The following ZNF555 variants were observed in gnomAD, a reference collection of about 807,000 sequenced individuals.
ZNF555 encodes the protein zinc finger protein 555.
A neutral mutation model predicts 14.0 loss-of-function variants in ZNF555; 10 were observed. That is an observed-to-expected ratio of 0.72 (90% CI 0.44 to 1.21). The LOEUF (loss-of-function observed/expected upper bound fraction) is 1.21, where lower values mean the gene tolerates loss of function less well. Among genes scored for constraint, ZNF555 ranks in the 50% most tolerant of loss-of-function variants. ZNF555 has a pLI of 0.00. For missense variants in ZNF555, 747 were observed against 762.0 expected (o/e 0.98, Z 0.23); for synonymous variants, 277 against 262.4 (o/e 1.06, Z -0.54).
Position 2,860,234 on chromosome 19 carries a change from A to G in ZNF555, c.*6282A>G, listed in dbSNP as rs1227620319. The G allele has an allele frequency of 6.6e-6, 1 of 151,762 alleles. No individual in the cohort carries two copies. Among genetic ancestry groups the G allele is most frequent in the African/African-American group, 2.4e-5 (1 of 41,288 alleles). The allele number at this position is 151,762 out of a possible 1,614,324, so 9.4% of individuals were successfully genotyped here. On this transcript the variant is annotated 3_prime_UTR_variant, in exon 4 of 4. Transcript: ENST00000334241. ...AAAGTCTGGGTAATTCTGTGGGGACATATATTGGTGTATCTGGGAGGTCCC... is the reference window on the plus strand; with the variant it reads ...AAAGTCTGGGTAATTCTGTGGGGACGTATATTGGTGTATCTGGGAGGTCCC...
At chr19:2,847,850 A>C (rs1044895276) in intron 1 of ZNF555, among the ~76,000 whole-genome samples, 11 of 152,182 alleles carry the variant, frequency 7.2e-5, no homozygotes, top group Admixed American at 3.9e-4. Flanking sequence ...CAGCATTTAC[A>C]GGGATAGCAT....
chr19:2,847,691 G>A (rs986322342), intron 1 of ZNF555, among the ~76,000 whole-genome samples: 1 of 152,160 alleles, frequency 6.6e-6, no homozygotes, highest in African/African-American at 2.4e-5. Context: ...TCATATTGGA[G>A]TAGGGCCCAT....
In ZNF555 at chr19:2,856,034, G is replaced by C. The variant is rs1307647817; in HGVS notation, c.*2082G>C. On this transcript the variant is annotated 3_prime_UTR_variant, in exon 4 of 4. Transcript: ENST00000334241. Reference sequence around the variant, plus strand: ...GACCCAATTCAACCCATAACACTAAGAAATGTTATTTTTTGTTTACCGAGA... The same window carrying C: ...GACCCAATTCAACCCATAACACTAACAAATGTTATTTTTTGTTTACCGAGA... 1 of 151,932 alleles carries C rather than the reference G, an allele frequency of 6.6e-6. No individual in the cohort carries two copies. The highest frequency in any genetic ancestry group is 1.5e-5 in the Non-Finnish European group (1 of 67,980). The allele number at this position is 151,932 out of a possible 1,614,324, so 9.4% of individuals were successfully genotyped here.
Position 2,858,242 on chromosome 19 carries a change from G to A in ZNF555, c.*4290G>A, listed in dbSNP as rs1372880362. 6.6e-6 allele frequency: 1 copy of A among 152,210 alleles called. No individual in the cohort carries two copies. The highest frequency in any genetic ancestry group is 1.9e-4 in the East Asian group (1 of 5,198). The allele number at this position is 152,210 out of a possible 1,614,324, so 9.4% of individuals were successfully genotyped here. On this transcript the variant is annotated 3_prime_UTR_variant, in exon 4 of 4. Transcript: ENST00000334241. Reference sequence around the variant, plus strand: ...AATTCTCTGGAGGAAATGTAGGGCTGGTTGACAAGGACTTGTGCCTCGTCA... The same window carrying A: ...AATTCTCTGGAGGAAATGTAGGGCTAGTTGACAAGGACTTGTGCCTCGTCA...
At chr19:2,841,708 CCCCGGGGGT>C in intron 1 of ZNF555, 133 bp downstream of exon 1, 1 of 1,096,154 alleles carries the variant, frequency 9.1e-7, no homozygotes, top group Non-Finnish European at 1.2e-6. Context: ...GGAGCCTGGG[CCCCGGGGGT>C]CCCGCCCGGC....
chr19:2,848,164 T>C (rs1197347109), intron 1 of ZNF555, among the ~76,000 whole-genome samples: 1 of 151,798 alleles, frequency 6.6e-6, no homozygotes, highest in African/African-American at 2.4e-5. Flanking sequence ...TTCTTTTTTT[T>C]TTTTTGAGCT....
intron 1 of ZNF555, among the ~76,000 whole-genome samples, chr19:2,842,332 TCA>T (rs745531663): frequency 1.3e-5 from 2 of 152,180 alleles, no homozygotes; most frequent in African/African-American, 2.4e-5. Flanking sequence ...CCCTGGGCTC[TCA>T]CACACAAGGA....
Position 2,852,854 on chromosome 19 carries a change from A to G in ZNF555, c.789A>G (p.Lys263=), listed in dbSNP as rs749478048. ...EKPYKCKECG[K]AFSYSSTFRR... is the part of the protein sequence containing the mutation. ...CATATAAGTGTAAGGAATGTGGGAA[A>G]GCTTTCAGTTATTCCTCAACGTTTC... Residue 263 remains lysine, a synonymous_variant, in exon 4 of 4, where the codon AAA becomes AAG. Coordinates refer to ENST00000334241, the MANE Select transcript of ZNF555 (RefSeq NM_152791.5). 2.5e-6 allele frequency: 4 copies of G among 1,614,090 alleles called. No homozygotes were observed. Among genetic ancestry groups the G allele is most frequent in the Non-Finnish European group, 3.4e-6 (4 of 1,180,046 alleles).
At chr19:2,847,829 C>T (rs946504112) in intron 1 of ZNF555, among the ~76,000 whole-genome samples, 2 of 152,194 alleles carry the variant, frequency 1.3e-5, no homozygotes, top group African/African-American at 2.4e-5. Flanking sequence ...CACAAGAAAC[C>T]GCTGGCAGTT....
At chr19:2,849,786 C>T (rs2087613639) in intron 1 of ZNF555, among the ~76,000 whole-genome samples, 1 of 152,110 alleles carries the variant, frequency 6.6e-6, no homozygotes, top group African/African-American at 2.4e-5. Flanking sequence ...CCACACTTGG[C>T]CCAAGAATAC....
In ZNF555 at chr19:2,853,642, A is replaced by G. The variant is rs951985922; in HGVS notation, c.1577A>G (p.His526Arg). ...AFSWPELLQQ[H>R]VRTHTVEKPY... ...AGTTGGCCTGAACTTTTGCAACAACATGTGAGAACGCACACTGTAGAGAAG... is the reference window on the plus strand; with the variant it reads ...AGTTGGCCTGAACTTTTGCAACAACGTGTGAGAACGCACACTGTAGAGAAG... Residue 526 changes from histidine (H) to arginine (R), a missense_variant, in exon 4 of 4, where the codon CAT becomes CGT. By Grantham distance (29) the His-to-Arg change is conservative. Coordinates refer to ENST00000334241, the MANE Select transcript of ZNF555 (RefSeq NM_152791.5). 3 of 1,600,062 alleles carry G rather than the reference A, an allele frequency of 1.9e-6. No individual in the cohort carries two copies. The highest frequency in any genetic ancestry group is 2.6e-6 in the Non-Finnish European group (3 of 1,173,400).
rs2087641976 is a variant in ZNF555, at chr19:2,852,685, A to G, written c.620A>G (p.Lys207Arg). 1 of 1,614,082 alleles carries G rather than the reference A, an allele frequency of 6.2e-7. No homozygotes were observed. The highest frequency in any genetic ancestry group is 8.5e-7 in the Non-Finnish European group (1 of 1,180,044). ...CCCTATGTGTGTAAATTATGTGGGA[A>G]AACCTTTCCTCGTACTTCCTCCCTC... ...ERPYVCKLCG[K>R]TFPRTSSLNR... Residue 207 changes from lysine (K) to arginine (R), a missense_variant, in exon 4 of 4, where the codon AAA becomes AGA. Coordinates refer to ENST00000334241, the MANE Select transcript of ZNF555 (RefSeq NM_152791.5).
rs1352817427 is a variant in ZNF555, at chr19:2,855,291, G to C, written c.*1339G>C. ...TTCTTAGAAATATCCTGTTTAGCTG[G>C]GCACAGTAGCTCATGCCTGTAATCC... On this transcript the variant is annotated 3_prime_UTR_variant, in exon 4 of 4. Coordinates refer to ENST00000334241, the MANE Select transcript of ZNF555 (RefSeq NM_152791.5). 6.6e-6 allele frequency: 1 copy of C among 152,050 alleles called. No homozygotes were observed. Among genetic ancestry groups the C allele is most frequent in the African/African-American group, 2.4e-5 (1 of 41,380 alleles). 9.4% of individuals were successfully genotyped at this position (152,050 alleles called of 1,614,324 possible).
chr19:2,848,301 A>G (rs529810366), intron 1 of ZNF555, among the ~76,000 whole-genome samples: 139 of 149,916 alleles, frequency 9.3e-4, no homozygotes, highest in African/African-American at 3.2e-3. Context: ...ACAGGCGCCC[A>G]CCACCACGCC....
At position 2,852,465 on chromosome 19, in the gene ZNF555, A is replaced by G. The variant is rs1486097402; in HGVS notation, c.400A>G (p.Lys134Glu). 1 of 1,614,074 alleles carries G rather than the reference A, an allele frequency of 6.2e-7. No individual in the cohort carries two copies. The highest frequency in any genetic ancestry group is 1.7e-5 in the Admixed American group (1 of 60,006). Residue 134 changes from lysine (K) to glutamate (E), a missense_variant, in exon 4 of 4, where the codon AAG becomes GAG. Coordinates refer to ENST00000334241, the MANE Select transcript of ZNF555 (RefSeq NM_152791.5). ...CCAGATTCCACATCTTAATCTGTAC[A>G]AGAAAATTCCACCTGGAGTAAAACA... The part of the protein sequence containing the change: ...LSQIPHLNLY[K>E]KIPPGVKQYE...
rs2144862906 is a variant in ZNF555 at position 2,857,030 on chromosome 19, C to G, written c.*3078C>G. 6.6e-6 allele frequency: 1 copy of G among 152,220 alleles called. No homozygotes were observed. The highest frequency in any genetic ancestry group is 2.1e-4 in the South Asian group (1 of 4,822). The allele number at this position is 152,220 out of a possible 1,614,324, so 9.4% of individuals were successfully genotyped here. A position where few individuals can be genotyped will look rare whatever the true frequency, so the allele number is the denominator to read the frequency against. ...GCTTTTGTTTTAATGAGCCAGAAAGCCCCAAAAGCCTATTTAAGTTTTCTC... is the reference window on the plus strand; with the variant it reads ...GCTTTTGTTTTAATGAGCCAGAAAGGCCCAAAAGCCTATTTAAGTTTTCTC... On this transcript the variant is annotated 3_prime_UTR_variant, in exon 4 of 4. Coordinates refer to ENST00000334241, the MANE Select transcript of ZNF555 (RefSeq NM_152791.5).
chr19:2,853,875 T>C lies in ZNF555; in HGVS notation c.1810T>C (p.Phe604Leu). The C allele has an allele frequency of 6.2e-7, 1 of 1,614,096 alleles. No individual in the cohort carries two copies. Among genetic ancestry groups the C allele is most frequent in the Non-Finnish European group, 8.5e-7 (1 of 1,180,026 alleles). Residue 604 changes from phenylalanine (F) to leucine (L), a missense_variant, in exon 4 of 4, where the codon TTC becomes CTC. Phe to Leu is a conservative substitution (Grantham distance 22, BLOSUM62 0). Coordinates refer to ENST00000334241, the MANE Select transcript of ZNF555 (RefSeq NM_152791.5). ...CNVGHPPANE[F>L]MCSASEKSHQ... is the part of the protein sequence containing the mutation. ...TGTAGGACATCCTCCTGCAAATGAATTCATGTGCAGTGCTTCAGAAAAGTC... is the reference window on the plus strand; with the variant it reads ...TGTAGGACATCCTCCTGCAAATGAACTCATGTGCAGTGCTTCAGAAAAGTC...
At position 2,853,203 on chromosome 19, in the gene ZNF555, C is replaced by T; in HGVS notation, c.1138C>T (p.Pro380Ser). The change falls in exon 4 of 4, where the codon CCC (proline) becomes TCC (serine). Residue 380 changes from proline to serine, a missense_variant. Pro to Ser is a moderately conservative substitution (Grantham distance 74). Coordinates refer to ENST00000334241, the MANE Select transcript of ZNF555 (RefSeq NM_152791.5). ...ACAGTGTGGGAAGACCTTCATTTAT[C>T]CCCAGTCCTTTCGAAGACATGAAAG... is the stretch of plus-strand genomic sequence containing the variant. ...CKQCGKTFIY[P>S]QSFRRHERTH... 2 of 1,613,926 alleles carry T rather than the reference C, an allele frequency of 1.2e-6. No homozygotes were observed. Among genetic ancestry groups the T allele is most frequent in the Non-Finnish European group, 8.5e-7 (1 of 1,179,970 alleles).
At chr19:2,844,098 CTTTT>C (rs1215032735) in intron 1 of ZNF555, among the ~76,000 whole-genome samples, 1,191 of 58,096 alleles carry the variant, frequency 0.021, 18 homozygotes, top group African/African-American at 0.053. Flanking sequence ...TCTCTCTTTT[CTTTT>C]TTTTTTTTTT....
Sources: gnomAD v4.1 joint callset for allele counts (sites outside exome capture counted in the v4.1 genomes callset) on GRCh38, gnomAD v4.1.1 for gene constraint, MANE v1.5 for transcripts, NCBI Gene and HGNC (gene_info 2026-07-23, HGNC 2026-07-21) for gene names.